Variants in SLC3A1 observed in about 807,000 individuals in gnomAD.
The protein encoded by SLC3A1 is solute carrier family 3 member 1, also known as amino acid transporter heavy chain SLC3A1.
In SLC3A1, 78 loss-of-function variants were observed where a neutral mutation model predicts 60.3. The ratio of observed to expected loss-of-function variants is 1.29; its 90% CI spans 1.08 to 1.56. The LOEUF (loss-of-function observed/expected upper bound fraction) is 1.56, where lower values mean the gene tolerates loss of function less well. Among genes scored for constraint, SLC3A1 ranks in the 40% most tolerant of loss-of-function variants. The probability of loss-of-function intolerance (pLI) is 0.00; values close to 1 mark genes in which losing one functional copy is unlikely to be tolerated. For synonymous variants in SLC3A1, 392 were observed against 307.9 expected (o/e 1.27, Z -2.86); for missense variants, 1,172 against 858.9 (o/e 1.36, Z -4.56).
intron 8 of SLC3A1, 136 bp downstream of exon 8, chr2:44,312,889 A>T (rs567927102): frequency 4.2e-6 from 3 of 722,008 alleles, no homozygotes; most frequent in Non-Finnish European, 4.7e-6. Flanking sequence ...TTTCTTTCTT[A>T]CTGTTAGTAA....
intron 4 of SLC3A1, among the ~76,000 whole-genome samples, chr2:44,296,950 C>T (rs1006988687): frequency 3.9e-5 from 6 of 152,282 alleles, no homozygotes; most frequent in South Asian, 2.1e-4. Flanking sequence ...GCTCCTCATT[C>T]GCCTTCTGCC....
intron 7 of SLC3A1, among the ~76,000 whole-genome samples, chr2:44,305,424 TTAC>T (rs1166595017): frequency 1.6e-5 from 2 of 127,416 alleles, no homozygotes; most frequent in African/African-American, 6.3e-5. Flanking sequence ...CTTTCTTTTC[TTAC>T]TTTTTTTTTT....
At chr2:44,311,424 A>G (rs767244815) in intron 7 of SLC3A1, among the ~76,000 whole-genome samples, 2 of 151,936 alleles carry the variant, frequency 1.3e-5, no homozygotes, top group South Asian at 2.1e-4. Flanking sequence ...TATGAGCCAT[A>G]TTTTCCTGTT....
At chr2:44,299,673 T>A (rs955666273) in intron 4 of SLC3A1, among the ~76,000 whole-genome samples, 1 of 152,224 alleles carries the variant, frequency 6.6e-6, no homozygotes, top group African/African-American at 2.4e-5. Flanking sequence ...TTTCATTCTT[T>A]CATTTTTAGT....
intron 7 of SLC3A1, among the ~76,000 whole-genome samples, chr2:44,307,281 A>C (rs1672181936): frequency 6.6e-6 from 1 of 152,234 alleles, no homozygotes; most frequent in African/African-American, 2.4e-5. Context: ...ACTATTACGA[A>C]TAGTGATGCT....
chr2:44,303,929 C>T, intron 6 of SLC3A1: 3 of 631,632 alleles, frequency 4.7e-6, no homozygotes, highest in East Asian at 2.7e-5. Flanking sequence ...TTTATGGCTG[C>T]ATAGTATTCC....
chr2:44,301,118 G>A lies in SLC3A1; in HGVS notation c.1127G>A (p.Gly376Asp). 1.2e-6 allele frequency: 2 copies of A among 1,609,912 alleles called. No individual in the cohort carries two copies. The highest frequency in any genetic ancestry group is 1.7e-6 in the Non-Finnish European group (2 of 1,179,108). The change falls in exon 6 of 10, where the codon GGC becomes GAC. Residue 376 changes from glycine (G) to aspartate (D), a missense_variant. Gly to Asp is a moderately conservative substitution (Grantham distance 94). Transcript: ENST00000260649. The part of the protein sequence containing the change: ...QTMDQYSTEP[G>D]RYRFMGTEAY... ...ATGGACCAATACAGCACGGAGCCCG[G>A]CAGATACAGGTTGACCACGGCATAT...
At chr2:44,299,653 TTTC>T (rs758834363) in intron 4 of SLC3A1, among the ~76,000 whole-genome samples, 37 of 152,338 alleles carry the variant, frequency 2.4e-4, no homozygotes, top group Non-Finnish European at 3.8e-4. Flanking sequence ...AGTCCTATCT[TTTC>T]TTATGGTTTC....
At chr2:44,300,218 T>G in intron 5 of SLC3A1, 128 bp downstream of exon 5, 1 of 938,402 alleles carries the variant, frequency 1.1e-6, no homozygotes, top group Non-Finnish European at 1.7e-6. Context: ...TACCCTGATT[T>G]ATTTCTTTAG....
chr2:44,320,160 G>T, intron 9 of SLC3A1, 39 bp from the exon 10 acceptor site: 1 of 1,504,584 alleles, frequency 6.6e-7, no homozygotes. Context: ...ACAATTCTTA[G>T]AATCAAACAC....
intron 2 of SLC3A1, among the ~76,000 whole-genome samples, chr2:44,281,172 T>TC (rs1671490253): frequency 6.8e-6 from 1 of 146,546 alleles, no homozygotes; most frequent in African/African-American, 2.5e-5. Flanking sequence ...TTTTTTTTTT[T>TC]TTTCCAGGCA....
Position 44,320,401 on chromosome 2 carries a change from T to C in SLC3A1, c.1820T>C (p.Leu607Pro). Residue 607 changes from leucine (L) to proline (P), a missense_variant, in exon 10 of 10, where the codon CTA (leucine) becomes CCA (proline). By Grantham distance (98) the Leu-to-Pro change is moderately conservative. Transcript: ENST00000260649. ...TTTGGAGAATCAACACTGTTAAATCTACATAATATGATTTCGGGCCTTCCC... is the reference window on the plus strand; with the variant it reads ...TTTGGAGAATCAACACTGTTAAATCCACATAATATGATTTCGGGCCTTCCC... ...LNFGESTLLNLHNMISGLPAK... is the reference protein window; with the variant it reads ...LNFGESTLLNPHNMISGLPAK... 2 of 1,614,078 alleles carry C rather than the reference T, an allele frequency of 1.2e-6. No homozygotes were observed. Among genetic ancestry groups the C allele is most frequent in the Non-Finnish European group, 1.7e-6 (2 of 1,179,912 alleles).
At chr2:44,313,711 CTAA>C in intron 8 of SLC3A1, 121 bp from the exon 9 acceptor site, 2 of 850,760 alleles carry the variant, frequency 2.4e-6, no homozygotes, top group Admixed American at 1.8e-5. Context: ...ATCACAAATG[CTAA>C]TGAGTACAAA....
intron 3 of SLC3A1, among the ~76,000 whole-genome samples, chr2:44,284,382 G>C (rs927611882): frequency 7.7e-4 from 117 of 152,210 alleles, no homozygotes; most frequent in African/African-American, 2.7e-3. Context: ...CCAACCAAGG[G>C]CTTCTTTTAG....
Position 44,275,684 on chromosome 2 carries a change from G to T in SLC3A1, c.149G>T (p.Gly50Val), listed in dbSNP as rs766310942. The T allele has an allele frequency of 3.7e-6, 6 of 1,614,176 alleles. No homozygotes were observed. Among genetic ancestry groups the T allele is most frequent in the Non-Finnish European group, 5.1e-6 (6 of 1,180,000 alleles). Reference sequence around the variant, plus strand: ...GACAACCTGAAGCACAGCACCAGGGGCATCCTTGGCTCCCAGGAGCCCGAC... The same window carrying T: ...GACAACCTGAAGCACAGCACCAGGGTCATCCTTGGCTCCCAGGAGCCCGAC... ...STDNLKHSTR[G>V]ILGSQEPDFK... is the part of the protein sequence containing the mutation. The change falls in exon 1 of 10, where the codon GGC becomes GTC. Residue 50 changes from glycine (G) to valine (V), a missense_variant. Transcript: ENST00000260649.
In SLC3A1 at chr2:44,320,682, T is replaced by A. The variant is rs201758843; in HGVS notation, c.*43T>A. 546 of 1,411,802 alleles carry A rather than the reference T, an allele frequency of 3.9e-4. 2 individuals are homozygous for A. Among genetic ancestry groups the A allele is most frequent in the Middle Eastern group, 1.8e-3 (10 of 5,648 alleles). The allele number at this position is 1,411,802 out of a possible 1,614,324, so 87.5% of individuals were successfully genotyped here. A position where few individuals can be genotyped will look rare whatever the true frequency, so the allele number is the denominator to read the frequency against. ...TGAAGACACTGGCATTTCAGTGGGA[T>A]TGTAAGCATTTGTAATAGCTTCATG... is the stretch of plus-strand genomic sequence containing the variant. On this transcript the variant is annotated 3_prime_UTR_variant, in exon 10 of 10. Transcript: ENST00000260649.
Position 44,312,651 on chromosome 2 carries a change from C to T in SLC3A1, c.1398C>T (p.Asn466=), listed in dbSNP as rs140821819. 3.1e-3 allele frequency: 5,035 copies of T among 1,613,864 alleles called. 6 individuals are homozygous for T. Among genetic ancestry groups the T allele is most frequent in the Non-Finnish European group, 3.9e-3 (4,597 of 1,179,790 alleles). Residue 466 remains asparagine (N), a synonymous_variant, in exon 8 of 10, where the codon AAC becomes AAT. Transcript: ENST00000260649. ...GGAATCAGTATGTCAACGTGATGAA[C>T]ATGCTTCTTTTCACACTCCCTGGAA... ...RLGNQYVNVM[N]MLLFTLPGTP... is the part of the protein sequence containing the mutation.
chr2:44,317,917 C>G (rs879940372), intron 9 of SLC3A1: 5 of 241,380 alleles, frequency 2.1e-5, no homozygotes, highest in African/African-American at 9.5e-5. Context: ...ATAAGAAACA[C>G]TAACATAAAA....
chr2:44,285,363 C>A (rs907756633), intron 3 of SLC3A1: 2 of 229,138 alleles, frequency 8.7e-6, no homozygotes, highest in African/African-American at 4.5e-5. Flanking sequence ...AGGCCTAGGA[C>A]AGAGCCCCAT....
Sources: gnomAD v4.1 joint callset for allele counts (sites outside exome capture counted in the v4.1 genomes callset) on GRCh38, gnomAD v4.1.1 for gene constraint, MANE v1.5 for transcripts, NCBI Gene and HGNC (gene_info 2026-07-23, HGNC 2026-07-21) for gene names.